Variants in IGFBP7 observed in about 807,000 individuals in gnomAD.
The protein encoded by IGFBP7 is insulin like growth factor binding protein 7, also known as insulin-like growth factor-binding protein 7.
In IGFBP7, 31 loss-of-function variants were observed where a neutral mutation model predicts 29.4. The observed-to-expected ratio is 1.05, with a 90% CI of 0.79 to 1.42. The LOEUF is 1.42. IGFBP7 is among the 40% of genes most tolerant of loss of function. The pLI is 0.00. For missense variants in IGFBP7, 393 were observed against 395.5 expected (o/e 0.99, Z 0.05); for synonymous variants, 172 against 174.9 (o/e 0.98, Z 0.13).
At chr4:57,064,235 T>C (rs941622762) in intron 1 of IGFBP7, among the ~76,000 whole-genome samples, 19 of 152,322 alleles carry the variant, frequency 1.2e-4, no homozygotes, top group Middle Eastern at 3.4e-3. Flanking sequence ...GTGCCTGTGA[T>C]CCCAGCTACT....
intron 1 of IGFBP7, among the ~76,000 whole-genome samples, chr4:57,091,917 A>C (rs1289285390): frequency 6.6e-6 from 1 of 152,218 alleles, no homozygotes. Flanking sequence ...GCTGTCCCTC[A>C]CAGGAGGAGA....
In IGFBP7 at chr4:57,040,841, C is replaced by G; in HGVS notation, c.568G>C (p.Val190Leu). ...CCACAGACCTTGTTCCAGATGAGGA[C>G]AGGTGTCGGGATTCCGATGACCTCA... The part of the protein sequence containing the change: ...SCEVIGIPTP[V>L]LIWNKVKRGH... The change falls in exon 2 of 5, where the codon GTC (valine) becomes CTC (leucine). Residue 190 changes from valine (V) to leucine (L), a missense_variant. By Grantham distance (32) the Val-to-Leu change is conservative (BLOSUM62 1). Coordinates refer to ENST00000295666, the MANE Select transcript of IGFBP7 (RefSeq NM_001553.3). 1 of 1,612,274 alleles carries G rather than the reference C, an allele frequency of 6.2e-7. No homozygotes were observed. Among genetic ancestry groups the G allele is most frequent in the Non-Finnish European group, 8.5e-7 (1 of 1,178,312 alleles).
At chr4:57,094,265 A>G (rs1725708096) in intron 1 of IGFBP7, among the ~76,000 whole-genome samples, 1 of 152,128 alleles carries the variant, frequency 6.6e-6, no homozygotes, top group Non-Finnish European at 1.5e-5. Flanking sequence ...GATCCAAGTA[A>G]CCTTGTGTCC....
intron 4 of IGFBP7, chr4:57,032,168 C>T: frequency 2.0e-5 from 16 of 787,304 alleles, no homozygotes; most frequent in Non-Finnish European, 2.8e-5. Context: ...AGAAGCCATT[C>T]CAGGCAAGTT....
chr4:57,043,487 A>C (rs759514512), intron 1 of IGFBP7, among the ~76,000 whole-genome samples: 3 of 152,240 alleles, frequency 2.0e-5, no homozygotes, highest in Non-Finnish European at 4.4e-5. Context: ...CCCTTCTGCA[A>C]CAGGCTATTT....
In IGFBP7 at chr4:57,033,296, A is replaced by G. The variant is rs1341851242; in HGVS notation, c.601T>C (p.Tyr201His). ...AGGAGTTCTGTCCTTTGAACTCCAT[A>G]GTGACCCCTTTTTACCTGCAAAAAC... is the stretch of plus-strand genomic sequence containing the variant. The part of the protein sequence containing the change: ...LIWNKVKRGH[Y>H]GVQRTELLPG... The change falls in exon 3 of 5, where the codon TAT (tyrosine) becomes CAT (histidine). Residue 201 changes from tyrosine to histidine, a missense_variant. By Grantham distance (83) the Tyr-to-His change is moderately conservative. Transcript: ENST00000295666. 1.2e-6 allele frequency: 2 copies of G among 1,613,406 alleles called. No homozygotes were observed. The highest frequency in any genetic ancestry group is 1.7e-5 in the Admixed American group (1 of 60,020).
intron 1 of IGFBP7, among the ~76,000 whole-genome samples, chr4:57,102,792 T>A (rs927789157): frequency 6.6e-6 from 1 of 152,178 alleles, no homozygotes; most frequent in African/African-American, 2.4e-5. Flanking sequence ...AGTGATTCAT[T>A]CAATATTCTA....
intron 1 of IGFBP7, among the ~76,000 whole-genome samples, chr4:57,101,795 A>G (rs906552493): frequency 1.3e-5 from 2 of 151,126 alleles, no homozygotes; most frequent in African/African-American, 4.9e-5. Flanking sequence ...CATATATGAC[A>G]GGCTGGGGGA....
intron 1 of IGFBP7, among the ~76,000 whole-genome samples, chr4:57,104,814 C>A (rs980225297): frequency 3.9e-5 from 6 of 152,116 alleles, no homozygotes; most frequent in Admixed American, 2.0e-4. Flanking sequence ...GAAAGGAAGG[C>A]AAATCAATGT....
At chr4:57,070,262 A>G (rs1423785439) in intron 1 of IGFBP7, among the ~76,000 whole-genome samples, 2 of 152,198 alleles carry the variant, frequency 1.3e-5, no homozygotes, top group African/African-American at 2.4e-5. Flanking sequence ...ATGTCTTATT[A>G]AGAAAGTAAT....
intron 1 of IGFBP7, among the ~76,000 whole-genome samples, chr4:57,085,598 C>T (rs1025489038): frequency 3.3e-5 from 5 of 152,016 alleles, no homozygotes; most frequent in South Asian, 4.2e-4. Context: ...TAGTTTTCAC[C>T]TGTTTGCAGA....
intron 1 of IGFBP7, among the ~76,000 whole-genome samples, chr4:57,076,525 C>T (rs551585101): frequency 2.8e-4 from 43 of 152,288 alleles, no homozygotes; most frequent in Admixed American, 7.8e-4. Context: ...TGGTCACCTT[C>T]GTGTAAGCGT....
chr4:57,075,296 A>G (rs2109780400), intron 1 of IGFBP7, among the ~76,000 whole-genome samples: 1 of 152,322 alleles, frequency 6.6e-6, no homozygotes, highest in East Asian at 1.9e-4. Context: ...TCTGCCTTCA[A>G]AGGACTCAGG....
chr4:57,105,233 C>A (rs1725993931), intron 1 of IGFBP7, among the ~76,000 whole-genome samples: 2 of 152,184 alleles, frequency 1.3e-5, no homozygotes, highest in African/African-American at 2.4e-5. Flanking sequence ...GAGTCTCTAA[C>A]CTATTTCTCC....
intron 1 of IGFBP7, among the ~76,000 whole-genome samples, chr4:57,043,222 T>C (rs1277272): frequency 0.83 from 125,725 of 152,222 alleles, 52,381 homozygotes; most frequent in East Asian, 0.96. Context: ...GAGCTGGCAG[T>C]CTGGGATCCT....
chr4:57,083,395 C>A (rs1725419747), intron 1 of IGFBP7, among the ~76,000 whole-genome samples: 1 of 152,204 alleles, frequency 6.6e-6, no homozygotes, highest in Non-Finnish European at 1.5e-5. Flanking sequence ...CATTTCAGGA[C>A]TTGTTGTGAA....
At chr4:57,049,366 G>T (rs1322318016) in intron 1 of IGFBP7, among the ~76,000 whole-genome samples, 1 of 151,940 alleles carries the variant, frequency 6.6e-6, no homozygotes, top group Non-Finnish European at 1.5e-5. Context: ...TTTCTCATTT[G>T]CCCATCATCT....
intron 1 of IGFBP7, among the ~76,000 whole-genome samples, chr4:57,054,345 G>A (rs978682262): frequency 2.0e-5 from 3 of 152,098 alleles, no homozygotes; most frequent in African/African-American, 7.2e-5. Flanking sequence ...AGAAATAGAT[G>A]TGCTTGGCTG....
At position 57,110,378 on chromosome 4, in the gene IGFBP7, G is replaced by C; in HGVS notation, c.-27C>G. 2 of 1,305,418 alleles carry C rather than the reference G, an allele frequency of 1.5e-6. No individual in the cohort carries two copies. Among genetic ancestry groups the C allele is most frequent in the Non-Finnish European group, 1.9e-6 (2 of 1,029,686 alleles). The allele number at this position is 1,305,418 out of a possible 1,614,324, so 80.9% of individuals were successfully genotyped here. A position where few individuals can be genotyped will look rare whatever the true frequency, so the allele number is the denominator to read the frequency against. ...GCGGGGTGCGGTGGCAGCGGCAAGG[G>C]CGCGAGTGAGCCGTGTCGGGCCGGC... is the stretch of plus-strand genomic sequence containing the variant. On this transcript the variant is annotated 5_prime_UTR_variant, in exon 1 of 5. Coordinates refer to ENST00000295666, the MANE Select transcript of IGFBP7 (RefSeq NM_001553.3).
Sources: allele counts gnomAD v4.1 joint callset (sites outside exome capture counted in the v4.1 genomes callset), GRCh38; gene constraint gnomAD v4.1.1; transcripts MANE v1.5; gene names NCBI Gene and HGNC (gene_info 2026-07-23, HGNC 2026-07-21).